The following IQGAP2 variants were observed in gnomAD, a reference collection of about 807,000 sequenced individuals.
The protein encoded by IQGAP2 is IQ motif containing GTPase activating protein 2, also known as ras GTPase-activating-like protein IQGAP2.
Under a neutral mutation model 201.3 loss-of-function variants are expected in IQGAP2, and 173 were observed. The observed-to-expected ratio is 0.86, with a 90% confidence interval of 0.76 to 0.98. IQGAP2 has a LOEUF of 0.98. IQGAP2 is among the 50% of genes least tolerant of loss of function. The pLI, the probability that IQGAP2 is intolerant of heterozygous loss-of-function variation, is 0.00. For missense variants in IQGAP2, 1,687 were observed against 1,864.8 expected (o/e 0.90, Z 1.76); for synonymous variants, 675 against 673.9 (o/e 1.00, Z -0.03).
At chr5:76,643,792 A>G (rs1365665596) in intron 17 of IQGAP2, among the ~76,000 whole-genome samples, 1 of 152,146 alleles carries the variant, frequency 6.6e-6, no homozygotes, top group Non-Finnish European at 1.5e-5. Flanking sequence ...GAAGAAAAAC[A>G]AGCTACTCTG....
intron 5 of IQGAP2, among the ~76,000 whole-genome samples, chr5:76,580,420 G>A (rs1745765314): frequency 6.6e-6 from 1 of 152,180 alleles, no homozygotes; most frequent in Non-Finnish European, 1.5e-5. Flanking sequence ...GCAACAGAGC[G>A]AGACTCCGTC....
At chr5:76,634,579 G>C (rs1384319486) in intron 15 of IQGAP2, among the ~76,000 whole-genome samples, 1 of 152,034 alleles carries the variant, frequency 6.6e-6, no homozygotes, top group Admixed American at 6.6e-5. Flanking sequence ...TGACTCTACG[G>C]AAAACGTTTG....
In IQGAP2 at chr5:76,636,978, C is replaced by G. The variant is rs1042763802; in HGVS notation, c.1781-56C>G. ...TATTTTACATATTAAAGAAACTACA[C>G]TAATGTTTAAGGGTTCACTGTGTCT... On this transcript the variant is annotated intron_variant, in intron 15 of 35. Coordinates refer to ENST00000274364, the MANE Select transcript of IQGAP2 (RefSeq NM_006633.5). 3.7e-6 allele frequency: 5 copies of G among 1,368,266 alleles called. No homozygotes were observed. In the East Asian group the frequency reaches 9.7e-5, roughly 26 times the overall value. The allele number at this position is 1,368,266 out of a possible 1,614,324, so 84.8% of individuals were successfully genotyped here.
rs1374109925 is a variant in IQGAP2, at chr5:76,460,860, C to CA, written c.47-710_47-709insA. ...GAAGCTCCTGCCCGTTTGCACACTG[C>CA]TTTTTTTTTTTTTTTTTTTTTTTCC... On this transcript the variant is annotated intron_variant, in intron 1 of 35. Coordinates refer to ENST00000274364, the MANE Select transcript of IQGAP2 (RefSeq NM_006633.5). Among the ~76,000 whole-genome samples the CA allele has an allele frequency of 9.6e-3, 1,092 of 113,540 alleles. 9 individuals carry two copies. The highest frequency in any genetic ancestry group is 0.02 in the Middle Eastern group (4 of 204). The allele number at this position is 113,540 out of a possible 152,430, so 74.5% of individuals were successfully genotyped here.
intron 2 of IQGAP2, among the ~76,000 whole-genome samples, chr5:76,484,029 A>G (rs979983962): frequency 1.3e-5 from 2 of 151,214 alleles, no homozygotes; most frequent in African/African-American, 4.9e-5. Context: ...TGTTAGGGAT[A>G]CACATTTTTT....
intron 13 of IQGAP2, among the ~76,000 whole-genome samples, chr5:76,620,767 G>A (rs1749576904): frequency 6.6e-6 from 1 of 152,114 alleles, no homozygotes; most frequent in Admixed American, 6.5e-5. Flanking sequence ...GGAAACAAAG[G>A]AGGAAAAATC....
At chr5:76,644,611 T>C (rs903556711) in intron 17 of IQGAP2, among the ~76,000 whole-genome samples, 2 of 152,156 alleles carry the variant, frequency 1.3e-5, no homozygotes, top group African/African-American at 4.8e-5. Context: ...GTAAATCCCA[T>C]CTGTCTGTAA....
In IQGAP2 at chr5:76,683,182, C is replaced by T. The variant is rs1298965607; in HGVS notation, c.3728C>T (p.Ser1243Leu). The change falls in exon 29 of 36, where the codon TCG (serine) becomes TTG (leucine). Residue 1243 changes from serine (S) to leucine (L), a missense_variant. Transcript: ENST00000274364. ...KNDLLSELLG[S>L]LGEVPTVESF... ...GACTTACTGAGTGAATTGCTGGGGT[C>T]GCTGGGAGAGGTGCCAACCGTGGAA... 8 of 1,611,662 alleles carry T rather than the reference C, an allele frequency of 5.0e-6. No homozygotes were observed. The highest frequency in any genetic ancestry group is 1.7e-5 in the Admixed American group (1 of 59,672).
intron 8 of IQGAP2, among the ~76,000 whole-genome samples, 156 bp downstream of exon 8, chr5:76,590,742 A>T (rs1334123679): frequency 2.0e-5 from 3 of 152,128 alleles, no homozygotes; most frequent in African/African-American, 7.2e-5. Flanking sequence ...ATACAAGAGG[A>T]CCATACACTA....
Position 76,600,846 on chromosome 5 carries a change from TG to T in IQGAP2, c.1108del (p.Glu370LysfsTer9). ...YLAHEELLIA[V>X]EMLSAVALLN... is the part of the protein sequence containing the mutation. ...GCCCACGAGGAGCTTTTGATTGCTG[TG>T]GAAATGTTGTCTGCTGTTGCTTTAC... On this transcript the variant is annotated frameshift_variant, in exon 11 of 36. Transcript: ENST00000274364. LOFTEE classifies it high-confidence loss of function. 2 of 1,614,140 alleles carry T rather than the reference TG, an allele frequency of 1.2e-6. No individual in the cohort carries two copies. The highest frequency in any genetic ancestry group is 1.7e-6 in the Non-Finnish European group (2 of 1,179,994).
At chr5:76,416,713 G>T (rs138936084) in intron 1 of IQGAP2, among the ~76,000 whole-genome samples, 5 of 152,186 alleles carry the variant, frequency 3.3e-5, no homozygotes, top group African/African-American at 9.6e-5. Flanking sequence ...TTACTAGTAG[G>T]GACAGGGTTT....
At chr5:76,522,182 A>ATT (rs11400963) in intron 2 of IQGAP2, among the ~76,000 whole-genome samples, 319 of 144,680 alleles carry the variant, frequency 2.2e-3, no homozygotes, top group Middle Eastern at 3.6e-3. Flanking sequence ...TATCCCTAGA[A>ATT]TTTTTTTTTT....
At chr5:76,664,799 T>C (rs1469439030) in intron 21 of IQGAP2, among the ~76,000 whole-genome samples, 1 of 152,118 alleles carries the variant, frequency 6.6e-6, no homozygotes, top group Non-Finnish European at 1.5e-5. Flanking sequence ...AGTAAGCACA[T>C]GCTATTGGAA....
chr5:76,518,059 A>T (rs1156425409), intron 2 of IQGAP2, among the ~76,000 whole-genome samples: 3 of 152,018 alleles, frequency 2.0e-5, no homozygotes, highest in African/African-American at 7.2e-5. Flanking sequence ...TGGGTTCAAG[A>T]GATTCTTCTG....
At chr5:76,565,071 C>A (rs1307308256) in intron 3 of IQGAP2, among the ~76,000 whole-genome samples, 2 of 152,158 alleles carry the variant, frequency 1.3e-5, no homozygotes, top group Non-Finnish European at 1.5e-5. Context: ...ATTTTAGCGC[C>A]TTTTCATCTC....
At chr5:76,551,583 G>C (rs973246689) in intron 2 of IQGAP2, among the ~76,000 whole-genome samples, 1 of 152,118 alleles carries the variant, frequency 6.6e-6, no homozygotes, top group East Asian at 1.9e-4. Context: ...CTGAGTGAGC[G>C]AGACTCCGTC....
chr5:76,564,045 A>C (rs959330585), intron 3 of IQGAP2, among the ~76,000 whole-genome samples: 1 of 152,064 alleles, frequency 6.6e-6, no homozygotes, highest in African/African-American at 2.4e-5. Flanking sequence ...TAATGTTATA[A>C]ATAAAAATGT....
intron 1 of IQGAP2, among the ~76,000 whole-genome samples, chr5:76,449,625 T>C (rs1239606530): frequency 6.6e-6 from 1 of 152,238 alleles, no homozygotes; most frequent in Non-Finnish European, 1.5e-5. Flanking sequence ...ATCTCCATAA[T>C]TCTCTGCCAG....
At chr5:76,598,948 CTTG>C (rs1452902316) in intron 10 of IQGAP2, among the ~76,000 whole-genome samples, 1 of 152,128 alleles carries the variant, frequency 6.6e-6, no homozygotes, top group African/African-American at 2.4e-5. Context: ...ATAGCATTAT[CTTG>C]TTTTTTGCAA....
Sources: allele counts gnomAD v4.1 joint callset (sites outside exome capture counted in the v4.1 genomes callset), GRCh38; gene constraint gnomAD v4.1.1; transcripts MANE v1.5; gene names NCBI Gene and HGNC (gene_info 2026-07-23, HGNC 2026-07-21).